ST6GALNAC5: variants seen among roughly 807,000 people sequenced by gnomAD.
The protein encoded by ST6GALNAC5 is ST6 N-acetylgalactosaminide alpha-2,6-sialyltransferase 5.
In ST6GALNAC5, 27 loss-of-function variants were observed where a neutral mutation model predicts 33.6. The observed-to-expected ratio is 0.80, with a 90% CI of 0.59 to 1.11. The LOEUF is 1.11. Among genes scored for constraint, ST6GALNAC5 ranks in the 50% least tolerant of loss-of-function variants. The pLI is 0.00. For missense variants in ST6GALNAC5, 428 were observed against 454.0 expected (o/e 0.94, Z 0.52); for synonymous variants, 194 against 171.2 (o/e 1.13, Z -1.04).
At chr1:77,012,393 T>C (rs79583677) in intron 2 of ST6GALNAC5, among the ~76,000 whole-genome samples, 1 of 152,182 alleles carries the variant, frequency 6.6e-6, no homozygotes, top group African/African-American at 2.4e-5. Flanking sequence ...GCTCCGGAAA[T>C]AAGGAAAAGC....
At chr1:76,985,324 T>A (rs1465470224) in intron 2 of ST6GALNAC5, among the ~76,000 whole-genome samples, 1 of 152,124 alleles carries the variant, frequency 6.6e-6, no homozygotes, top group Non-Finnish European at 1.5e-5. Flanking sequence ...AATCTCAGGA[T>A]ACAAAATCAA....
chr1:76,875,416 C>T lies in ST6GALNAC5; in HGVS notation c.261+6674C>T, dbSNP rs554131975. 1.2e-4 allele frequency among the ~76,000 whole-genome samples: 19 copies of T among 152,304 alleles called. No homozygotes were observed. The South Asian group carries it at 3.9e-3, about 32-fold the overall frequency. The stretch of plus-strand genomic sequence containing the variant: ...CGTATCCCATGCATACTCTTTCTTA[C>T]CTCCGTTGTGGAGTAGTGGACTGAT... On this transcript the variant is annotated intron_variant, in intron 2 of 4. Transcript: ENST00000477717.
chr1:77,015,933 A>G (rs2100429522), intron 2 of ST6GALNAC5, among the ~76,000 whole-genome samples: 1 of 152,072 alleles, frequency 6.6e-6, no homozygotes, highest in African/African-American at 2.4e-5. Flanking sequence ...TGAGCTTGTA[A>G]GTAGCTTTCT....
At position 76,910,726 on chromosome 1, in the gene ST6GALNAC5, C is replaced by T. The variant is rs140802545; in HGVS notation, c.261+41984C>T. 6.8e-3 allele frequency among the ~76,000 whole-genome samples: 1,039 copies of T among 152,080 alleles called. 5 individuals carry two copies. Among genetic ancestry groups the T allele is most frequent in the Middle Eastern group, 0.02 (6 of 294 alleles). ...ATAAGATGCATATTATCAATATTAA[C>T]GTCTGCATCCATACAGTTGGAGGTA... On this transcript the variant is annotated intron_variant, in intron 2 of 4. Transcript: ENST00000477717.
chr1:77,027,349 T>C (rs573138610), intron 2 of ST6GALNAC5, among the ~76,000 whole-genome samples: 2 of 152,304 alleles, frequency 1.3e-5, no homozygotes, highest in Admixed American at 6.5e-5. Flanking sequence ...CCTCTTCCAA[T>C]TGCTGGAAGT....
chr1:77,001,535 T>A (rs1003957302), intron 2 of ST6GALNAC5, among the ~76,000 whole-genome samples: 10 of 147,620 alleles, frequency 6.8e-5, no homozygotes, highest in African/African-American at 1.5e-4. Flanking sequence ...CTATGTTGAA[T>A]AGGAGTGGTG....
At chr1:76,981,391 A>C (rs1649246391) in intron 2 of ST6GALNAC5, among the ~76,000 whole-genome samples, 1 of 152,184 alleles carries the variant, frequency 6.6e-6, no homozygotes, top group Non-Finnish European at 1.5e-5. Flanking sequence ...CACTGCTAGC[A>C]CAGCAGTCTG....
intron 2 of ST6GALNAC5, among the ~76,000 whole-genome samples, chr1:77,042,338 C>T (rs571319268): frequency 6.6e-6 from 1 of 152,296 alleles, no homozygotes; most frequent in Admixed American, 6.5e-5. Context: ...TATACTGTAT[C>T]ACACTGTATT....
At chr1:76,867,738 G>C (rs1363865277) in intron 1 of ST6GALNAC5, 48 bp downstream of exon 1, 1 of 1,613,998 alleles carries the variant, frequency 6.2e-7, no homozygotes, top group East Asian at 2.2e-5. Context: ...GGATCCCCGG[G>C]CTCAGGGTCC....
At chr1:76,881,716 T>C (rs1187903421) in intron 2 of ST6GALNAC5, among the ~76,000 whole-genome samples, 1 of 152,222 alleles carries the variant, frequency 6.6e-6, no homozygotes, top group Non-Finnish European at 1.5e-5. Flanking sequence ...CAAGAGTTTC[T>C]AACCATTTGG....
chr1:76,981,389 G>A (rs939178865), intron 2 of ST6GALNAC5, among the ~76,000 whole-genome samples: 3 of 152,230 alleles, frequency 2.0e-5, no homozygotes, highest in Admixed American at 2.0e-4. Context: ...CTCACTGCTA[G>A]CACAGCAGTC....
At chr1:77,013,131 T>A (rs1409848128) in intron 2 of ST6GALNAC5, among the ~76,000 whole-genome samples, 1 of 152,138 alleles carries the variant, frequency 6.6e-6, no homozygotes, top group African/African-American at 2.4e-5. Context: ...GGGTGCACGG[T>A]GAGCAACCAG....
At chr1:77,024,926 C>A (rs80034905) in intron 2 of ST6GALNAC5, among the ~76,000 whole-genome samples, 1 of 152,170 alleles carries the variant, frequency 6.6e-6, no homozygotes, top group African/African-American at 2.4e-5. Context: ...TAGTCAGCCC[C>A]TCACCAGACA....
At chr1:76,999,929 T>C (rs1454140979) in intron 2 of ST6GALNAC5, among the ~76,000 whole-genome samples, 1 of 125,388 alleles carries the variant, frequency 8.0e-6, no homozygotes, top group Non-Finnish European at 1.8e-5. Context: ...TTTGCTATTG[T>C]GAATAATGCC....
intron 2 of ST6GALNAC5, among the ~76,000 whole-genome samples, chr1:76,993,842 T>G (rs886107516): frequency 2.0e-5 from 3 of 152,166 alleles, no homozygotes; most frequent in Admixed American, 2.0e-4. Context: ...TGTTTTCAAT[T>G]GTGAATTTAT....
intron 3 of ST6GALNAC5, among the ~76,000 whole-genome samples, chr1:77,046,316 T>G (rs974435654): frequency 6.6e-6 from 1 of 152,244 alleles, no homozygotes; most frequent in African/African-American, 2.4e-5. Context: ...AAATCCATTC[T>G]TTGGCTAGCA....
intron 2 of ST6GALNAC5, among the ~76,000 whole-genome samples, chr1:76,870,080 G>T (rs1211304697): frequency 2.6e-5 from 4 of 152,122 alleles, no homozygotes; most frequent in African/African-American, 9.7e-5. Context: ...TATTGTTGTG[G>T]CAGGAGCAGG....
chr1:76,870,781 G>T (rs78442982), intron 2 of ST6GALNAC5, among the ~76,000 whole-genome samples: 7 of 152,130 alleles, frequency 4.6e-5, no homozygotes, highest in Non-Finnish European at 8.8e-5. Context: ...AGATAATTAT[G>T]AATATCAATG....
rs1038345059 is a variant in ST6GALNAC5, at chr1:77,054,685, G to A, written c.779+4320G>A. 3.9e-5 allele frequency among the ~76,000 whole-genome samples: 6 copies of A among 152,232 alleles called. No individual in the cohort carries two copies. The South Asian group carries it at 6.2e-4, about 16-fold the overall frequency. On this transcript the variant is annotated intron_variant, in intron 4 of 4. Transcript: ENST00000477717. ...GGGGGAGCAAACTGCCAAGCAATCCGTGAGTGCCTGATCCCCAAGGGGAAG... is the reference window on the plus strand; with the variant it reads ...GGGGGAGCAAACTGCCAAGCAATCCATGAGTGCCTGATCCCCAAGGGGAAG...
Sources: gnomAD v4.1 joint callset for allele counts (sites outside exome capture counted in the v4.1 genomes callset) on GRCh38, gnomAD v4.1.1 for gene constraint, MANE v1.5 for transcripts, NCBI Gene and HGNC (gene_info 2026-07-23, HGNC 2026-07-21) for gene names.